The following KCNIP4 variants were observed in gnomAD, a reference collection of about 807,000 sequenced individuals.
KCNIP4 encodes potassium voltage-gated channel interacting protein 4.
In KCNIP4, 12 loss-of-function variants were observed where a neutral mutation model predicts 34.0. The ratio of observed to expected loss-of-function variants is 0.35; its 90% CI spans 0.23 to 0.57. KCNIP4 has a LOEUF of 0.57. Ranked by LOEUF, KCNIP4 falls within the 20% of genes least tolerant of loss-of-function variation. The pLI, the probability that KCNIP4 is intolerant of heterozygous loss-of-function variation, is 0.83. For missense variants in KCNIP4, 238 were observed against 311.7 expected (o/e 0.76, Z 1.78); for synonymous variants, 124 against 102.2 (o/e 1.21, Z -1.29).
chr4:21,417,270 T>C (rs1470884197), intron 1 of KCNIP4, among the ~76,000 whole-genome samples: 1 of 151,874 alleles, frequency 6.6e-6, no homozygotes, highest in East Asian at 1.9e-4. Flanking sequence ...ATTATGTTTC[T>C]TGAGGTGTGT....
intron 3 of KCNIP4, among the ~76,000 whole-genome samples, chr4:20,828,732 ATTGT>A (rs1560496121): frequency 2.0e-5 from 3 of 152,198 alleles, no homozygotes; most frequent in East Asian, 1.9e-4. Flanking sequence ...TCTTATGCAC[ATTGT>A]TTGTTGAATT....
intron 1 of KCNIP4, among the ~76,000 whole-genome samples, chr4:21,742,228 A>G (rs888103285): frequency 1.3e-5 from 2 of 152,130 alleles, no homozygotes; most frequent in Non-Finnish European, 1.5e-5. Context: ...TTGTCCAACC[A>G]TGCATTACAT....
At chr4:21,816,099 A>G (rs767237648) in intron 1 of KCNIP4, among the ~76,000 whole-genome samples, 3 of 152,134 alleles carry the variant, frequency 2.0e-5, no homozygotes, top group Non-Finnish European at 2.9e-5. Flanking sequence ...TTTCTTATAC[A>G]AAATCAAAGC....
chr4:21,464,888 A>T (rs945849615), intron 1 of KCNIP4: 2 of 152,120 alleles, frequency 1.3e-5, no homozygotes, highest in African/African-American at 4.8e-5. Flanking sequence ...CATTTCTCAT[A>T]AAAGTAATAT....
In KCNIP4 at chr4:21,650,765, G is replaced by A. The variant is rs759356617; in HGVS notation, c.61+297806C>T. 3.3e-5 allele frequency among the ~76,000 whole-genome samples: 5 copies of A among 152,250 alleles called. No individual in the cohort carries two copies. In the South Asian group the frequency reaches 6.2e-4, roughly 19 times the overall value. On this transcript the variant is annotated intron_variant, in intron 1 of 8. Coordinates refer to ENST00000382152, the MANE Select transcript of KCNIP4 (RefSeq NM_025221.6). ...GAAATAACTAGGCTCTCTTGATTAC[G>A]ATTTCACAAGGTCAAAGTTATGATG...
intron 1 of KCNIP4, among the ~76,000 whole-genome samples, chr4:21,530,853 A>C (rs1042366088): frequency 2.5e-4 from 38 of 152,288 alleles, no homozygotes; most frequent in Middle Eastern, 3.4e-3. Context: ...ACAATCAGTA[A>C]GTTGAGGATG....
chr4:21,338,284 AAAAG>A (rs1716385920), intron 1 of KCNIP4, among the ~76,000 whole-genome samples: 2 of 150,404 alleles, frequency 1.3e-5, no homozygotes, highest in Non-Finnish European at 3.0e-5. Context: ...AAAAAAAAAA[AAAAG>A]ACTTTGTATT....
At chr4:20,875,804 C>A (rs1244626067) in intron 2 of KCNIP4, among the ~76,000 whole-genome samples, 1 of 152,126 alleles carries the variant, frequency 6.6e-6, no homozygotes, top group Non-Finnish European at 1.5e-5. Flanking sequence ...GCAAACAAAT[C>A]CTCCAACAGC....
chr4:20,881,353 A>T lies in KCNIP4; in HGVS notation c.163+1255T>A, dbSNP rs116668368. On this transcript the variant is annotated intron_variant, in intron 2 of 8. Coordinates refer to ENST00000382152, the MANE Select transcript of KCNIP4 (RefSeq NM_025221.6). ...TTTTAAATCACTAATTGAATCCATG[A>T]GTTCCTACAAAATGGTGTAGCAGTA... Among the ~76,000 whole-genome samples, 756 of 152,288 alleles carry T rather than the reference A, an allele frequency of 5.0e-3. 1 individual carries two copies. Among genetic ancestry groups the T allele is most frequent in the Middle Eastern group, 0.01 (3 of 294 alleles).
chr4:20,758,963 C>A, intron 3 of KCNIP4, 73 bp from the exon 4 acceptor site: 1 of 1,168,164 alleles, frequency 8.6e-7, no homozygotes, highest in Non-Finnish European at 1.3e-6. Context: ...CATTTTGAAA[C>A]AGAACTGTCT....
intron 1 of KCNIP4, among the ~76,000 whole-genome samples, chr4:21,764,374 G>A (rs13105154): frequency 0.092 from 13,982 of 152,134 alleles, 681 homozygotes; most frequent in Middle Eastern, 0.18. Context: ...AATAAGAAAA[G>A]TCCAACCAGA....
intron 1 of KCNIP4, among the ~76,000 whole-genome samples, chr4:21,804,225 AT>A (rs1247274725): frequency 3.3e-5 from 5 of 152,220 alleles, no homozygotes; most frequent in African/African-American, 1.2e-4. Context: ...GGCTAAAATG[AT>A]GGTAAAGAAA....
chr4:21,102,130 G>C lies in KCNIP4; in HGVS notation c.62-219421C>G, dbSNP rs17637027. Among the ~76,000 whole-genome samples, 29 of 152,180 alleles carry C rather than the reference G, an allele frequency of 1.9e-4. No homozygotes were observed. In the East Asian group the frequency reaches 3.1e-3, roughly 16 times the overall value. The stretch of plus-strand genomic sequence containing the variant: ...GAAGGTGACAAAGACAATGTAATAC[G>C]ATGTAGGTTTTTTAGTGATTCTCTT... On this transcript the variant is annotated intron_variant, in intron 1 of 8. Coordinates refer to ENST00000382152, the MANE Select transcript of KCNIP4 (RefSeq NM_025221.6).
chr4:21,639,119 GA>G (rs1746426776), intron 1 of KCNIP4, among the ~76,000 whole-genome samples: 2 of 152,156 alleles, frequency 1.3e-5, no homozygotes, highest in African/African-American at 4.8e-5. Flanking sequence ...CCAGAAATGA[GA>G]ATGTAAGAAG....
intron 5 of KCNIP4, among the ~76,000 whole-genome samples, chr4:20,739,260 C>G (rs1297360153): frequency 1.3e-5 from 2 of 152,220 alleles, no homozygotes; most frequent in Non-Finnish European, 2.9e-5. Context: ...AGTTTGAGAT[C>G]TGAGAACAGA....
At chr4:20,983,786 AC>A in intron 1 of KCNIP4, 1 of 1,528,648 alleles carries the variant, frequency 6.5e-7, no homozygotes, top group Non-Finnish European at 8.8e-7. Context: ...GACCTGCCCA[AC>A]AGCACAGACT....
intron 3 of KCNIP4, among the ~76,000 whole-genome samples, chr4:20,832,241 T>C (rs1366592744): frequency 1.3e-5 from 2 of 152,214 alleles, no homozygotes; most frequent in Non-Finnish European, 1.5e-5. Flanking sequence ...GGTCTCTTTA[T>C]GGGACAAAGC....
chr4:21,825,690 T>C (rs544925837), intron 1 of KCNIP4, among the ~76,000 whole-genome samples: 3 of 152,290 alleles, frequency 2.0e-5, no homozygotes, highest in East Asian at 1.9e-4. Context: ...GTTTTATTCA[T>C]TGATTTATGT....
At chr4:21,915,681 C>A (rs972296703) in intron 1 of KCNIP4, among the ~76,000 whole-genome samples, 1 of 152,198 alleles carries the variant, frequency 6.6e-6, no homozygotes, top group African/African-American at 2.4e-5. Context: ...TTACCTATTA[C>A]ATAGTATGTG....
Sources: allele counts gnomAD v4.1 joint callset (sites outside exome capture counted in the v4.1 genomes callset), GRCh38; gene constraint gnomAD v4.1.1; transcripts MANE v1.5; gene names NCBI Gene and HGNC (gene_info 2026-07-23, HGNC 2026-07-21).